FHIT: variants seen among roughly 807,000 people sequenced by gnomAD.
FHIT encodes fragile histidine triad diadenosine triphosphatase.
FHIT carries 19 observed loss-of-function variants against 17.9 expected under a neutral mutation model. The ratio of observed to expected loss-of-function variants is 1.06; its 90% CI spans 0.74 to 1.56. The LOEUF is 1.56. Ranked by LOEUF, FHIT falls within the 40% of genes most tolerant of loss-of-function variation. The pLI is 0.00. For synonymous variants in FHIT, 81 were observed against 69.7 expected, an observed-to-expected ratio of 1.16 and a Z score of -0.81; for missense variants, 248 against 189.2, an observed-to-expected ratio of 1.31 and a Z score of -1.82.
At chr3:60,637,306 T>C (rs2039612995) in intron 4 of FHIT, among the ~76,000 whole-genome samples, 1 of 152,180 alleles carries the variant, frequency 6.6e-6, no homozygotes, top group African/African-American at 2.4e-5. Flanking sequence ...TAAATGCTTT[T>C]TGATCAAAAA....
At chr3:60,814,149 C>A (rs1701658178) in intron 4 of FHIT, among the ~76,000 whole-genome samples, 1 of 151,516 alleles carries the variant, frequency 6.6e-6, no homozygotes, top group Non-Finnish European at 1.5e-5. Context: ...TTCATAAAGC[C>A]CTTGGGCTTA....
chr3:59,972,999 C>T (rs375215824), intron 7 of FHIT, among the ~76,000 whole-genome samples: 74 of 152,194 alleles, frequency 4.9e-4, no homozygotes, highest in African/African-American at 1.8e-3. Flanking sequence ...AAATCCCTCC[C>T]AGTTGAATAC....
intron 4 of FHIT, among the ~76,000 whole-genome samples, chr3:60,663,595 C>T (rs13323863): frequency 0.051 from 7,816 of 151,826 alleles, 699 homozygotes; most frequent in African/African-American, 0.18. Context: ...ACCACCATGC[C>T]CGGCTAATTT....
chr3:59,906,119 G>C (rs1704574353), intron 8 of FHIT, among the ~76,000 whole-genome samples: 1 of 152,066 alleles, frequency 6.6e-6, no homozygotes, highest in African/African-American at 2.4e-5. Context: ...GTGTATTCTG[G>C]CATTGCGTGT....
chr3:60,292,912 TCTG>T (rs1403242048), intron 5 of FHIT, among the ~76,000 whole-genome samples: 14 of 152,118 alleles, frequency 9.2e-5, no homozygotes, highest in African/African-American at 3.4e-4. Flanking sequence ...AAACTAGAAA[TCTG>T]CTGAAGTATA....
At chr3:60,623,162 A>G (rs532669870) in intron 4 of FHIT, among the ~76,000 whole-genome samples, 9 of 152,348 alleles carry the variant, frequency 5.9e-5, no homozygotes, top group East Asian at 5.8e-4. Context: ...AGTCTGTTAC[A>G]TGAGCAAGAA....
chr3:60,668,371 GAAAAAAAA>G (rs60941309), intron 4 of FHIT, among the ~76,000 whole-genome samples: 1,389 of 68,004 alleles, frequency 0.02, 37 homozygotes, highest in African/African-American at 0.076. Context: ...GCTCAATCAG[GAAAAAAAA>G]AAAAAAAAAA....
rs1350936362 is a variant in FHIT, at chr3:60,393,831, C to G, written c.103+143029G>C. On this transcript the variant is annotated intron_variant, in intron 5 of 9. Coordinates refer to ENST00000492590, the MANE Select transcript of FHIT (RefSeq NM_002012.4). ...TACTAAATAATAATGCCACCTATGCCAGGCTTGGATTCTCTTCACTCCAGT... is the reference window on the plus strand; with the variant it reads ...TACTAAATAATAATGCCACCTATGCGAGGCTTGGATTCTCTTCACTCCAGT... Among the ~76,000 whole-genome samples the G allele has an allele frequency of 4.6e-5, 7 of 152,244 alleles. No individual in the cohort carries two copies. In the East Asian group the frequency reaches 1.4e-3, roughly 29 times the overall value.
chr3:60,262,931 C>A (rs1210138113), intron 5 of FHIT, among the ~76,000 whole-genome samples: 1 of 151,484 alleles, frequency 6.6e-6, no homozygotes, highest in Non-Finnish European at 1.5e-5. Context: ...AAATAAAAAG[C>A]CAAGTCACAG....
chr3:60,714,906 T>A (rs1210922206), intron 4 of FHIT, among the ~76,000 whole-genome samples: 3 of 152,102 alleles, frequency 2.0e-5, no homozygotes, highest in African/African-American at 4.8e-5. Flanking sequence ...GCTACCAATG[T>A]CTTTCTTCAC....
chr3:60,195,948 C>T (rs371643709), intron 5 of FHIT, among the ~76,000 whole-genome samples: 43 of 152,150 alleles, frequency 2.8e-4, no homozygotes, highest in Admixed American at 2.4e-3. Context: ...TCAGGTGATG[C>T]ATGCCCTAAA....
At chr3:61,148,864 C>T (rs1333291597) in intron 2 of FHIT, among the ~76,000 whole-genome samples, 2 of 152,008 alleles carry the variant, frequency 1.3e-5, no homozygotes, top group African/African-American at 2.4e-5. Context: ...AAATTCAGAG[C>T]ATAAATTTGT....
At chr3:61,050,008 A>C (rs548072242) in intron 2 of FHIT, among the ~76,000 whole-genome samples, 3 of 152,162 alleles carry the variant, frequency 2.0e-5, no homozygotes, top group Admixed American at 1.3e-4. Flanking sequence ...ACTCCCAATC[A>C]TATGTCCAAT....
At chr3:60,676,680 G>A (rs1482478539) in intron 4 of FHIT, among the ~76,000 whole-genome samples, 1 of 152,132 alleles carries the variant, frequency 6.6e-6, no homozygotes, top group Admixed American at 6.5e-5. Context: ...CTAGGAAGAG[G>A]CCTACAGCCT....
intron 8 of FHIT, among the ~76,000 whole-genome samples, chr3:59,864,295 T>C (rs1017719194): frequency 6.6e-6 from 1 of 152,164 alleles, no homozygotes; most frequent in African/African-American, 2.4e-5. Context: ...ATTCTTTCGA[T>C]AGTGAAGAAG....
At chr3:59,911,245 A>G (rs990339318) in intron 8 of FHIT, among the ~76,000 whole-genome samples, 8 of 152,176 alleles carry the variant, frequency 5.3e-5, no homozygotes, top group African/African-American at 1.9e-4. Context: ...AGATTTTTCA[A>G]ATTAATTAGA....
chr3:60,911,041 G>A (rs1309321025), intron 3 of FHIT, among the ~76,000 whole-genome samples: 1 of 152,128 alleles, frequency 6.6e-6, no homozygotes, highest in Non-Finnish European at 1.5e-5. Context: ...GAAAAAATGA[G>A]AACCAATGCT....
rs181374954 is a variant in FHIT, at chr3:61,189,155, C to A, written c.-164+11462G>T. On this transcript the variant is annotated intron_variant, in intron 2 of 9. Coordinates refer to ENST00000492590, the MANE Select transcript of FHIT (RefSeq NM_002012.4). ...AGGAAGTCAAACTGTCCCTGTTTGCCGATGACATGAATGTATATCTAGAAA... is the reference window on the plus strand; with the variant it reads ...AGGAAGTCAAACTGTCCCTGTTTGCAGATGACATGAATGTATATCTAGAAA... Among the ~76,000 whole-genome samples, 989 of 152,166 alleles carry A rather than the reference C, an allele frequency of 6.5e-3. 6 individuals carry two copies. The highest frequency in any genetic ancestry group is 0.02 in the Middle Eastern group (6 of 294).
At chr3:60,680,055 AG>A (rs1435462774) in intron 4 of FHIT, among the ~76,000 whole-genome samples, 1 of 152,180 alleles carries the variant, frequency 6.6e-6, no homozygotes, top group Non-Finnish European at 1.5e-5. Context: ...TACTATTGTA[AG>A]TATGTTGTGC....
Sources: allele counts gnomAD v4.1 joint callset (sites outside exome capture counted in the v4.1 genomes callset), GRCh38; gene constraint gnomAD v4.1.1; transcripts MANE v1.5; gene names NCBI Gene and HGNC (gene_info 2026-07-23, HGNC 2026-07-21).